Variants in FAM169A observed in about 807,000 individuals in gnomAD.
FAM169A encodes family with sequence similarity 169 member A.
A neutral mutation model predicts 75.7 loss-of-function variants in FAM169A; 24 were observed. The ratio of observed to expected loss-of-function variants is 0.32; its 90% CI spans 0.23 to 0.45. The LOEUF is 0.45. Ranked by LOEUF, FAM169A falls within the 20% of genes least tolerant of loss-of-function variation. FAM169A has a pLI of 1.00. For missense variants in FAM169A, 673 were observed against 784.0 expected, an observed-to-expected ratio of 0.86 and a Z score of 1.69; for synonymous variants, 271 against 271.0, an observed-to-expected ratio of 1.00 and a Z score of 0.00.
intron 8 of FAM169A, 33 bp from the exon 9 acceptor site, chr5:74,801,662 T>C: frequency 7.0e-6 from 11 of 1,568,184 alleles, no homozygotes; most frequent in Non-Finnish European, 9.6e-6. Context: ...CCCAAAGTTT[T>C]AGACTATTTT....
Position 74,834,411 on chromosome 5 carries a change from CTT to C in FAM169A, c.490+13_490+14del, listed in dbSNP as rs1748467931. 4.2e-6 allele frequency: 6 copies of C among 1,419,932 alleles called. No individual in the cohort carries two copies. Among genetic ancestry groups the C allele is most frequent in the Non-Finnish European group, 5.6e-6 (6 of 1,076,760 alleles). 88.0% of individuals were successfully genotyped at this position (1,419,932 alleles called of 1,614,324 possible). On this transcript the variant is annotated intron_variant, in intron 5 of 12. Transcript: ENST00000687041. The stretch of plus-strand genomic sequence containing the variant: ...TTTCCATAATACACAGTTTAAATAA[CTT>C]TTAAAGACTCACCTGTAGGCTTAAC...
At chr5:74,862,517 G>A (rs1750090448) in intron 1 of FAM169A, among the ~76,000 whole-genome samples, 1 of 152,154 alleles carries the variant, frequency 6.6e-6, no homozygotes, top group African/African-American at 2.4e-5. Flanking sequence ...GAGTCACTCA[G>A]ACAGAATTAA....
chr5:74,791,532 C>T (rs1194194505), intron 11 of FAM169A, among the ~76,000 whole-genome samples: 1 of 152,206 alleles, frequency 6.6e-6, no homozygotes, highest in Non-Finnish European at 1.5e-5. Context: ...TTTAAGTCAA[C>T]AGGCTAAGGA....
intron 5 of FAM169A, among the ~76,000 whole-genome samples, chr5:74,821,354 T>C (rs979436141): frequency 6.6e-6 from 1 of 152,210 alleles, no homozygotes; most frequent in South Asian, 2.1e-4. Context: ...ACAGATATTC[T>C]GCCACAACTG....
At chr5:74,791,839 G>A (rs981530123) in intron 11 of FAM169A, among the ~76,000 whole-genome samples, 2 of 152,226 alleles carry the variant, frequency 1.3e-5, no homozygotes, top group East Asian at 1.9e-4. Flanking sequence ...AGAATGAGTA[G>A]CAGAAGAAGG....
At chr5:74,851,480 T>C (rs902702397) in intron 1 of FAM169A, among the ~76,000 whole-genome samples, 1 of 152,230 alleles carries the variant, frequency 6.6e-6, no homozygotes, top group Non-Finnish European at 1.5e-5. Context: ...CAGGAATGGA[T>C]GATAAATCAT....
At chr5:74,820,775 C>A (rs542716699) in intron 5 of FAM169A, among the ~76,000 whole-genome samples, 1 of 152,284 alleles carries the variant, frequency 6.6e-6, no homozygotes, top group Non-Finnish European at 1.5e-5. Flanking sequence ...TACTCCTATA[C>A]CCAAAACCCT....
intron 8 of FAM169A, among the ~76,000 whole-genome samples, chr5:74,804,106 G>A (rs148697040): frequency 6.6e-6 from 1 of 151,970 alleles, no homozygotes; most frequent in African/African-American, 2.4e-5. Flanking sequence ...GCAGTTAGAA[G>A]CAATCCAAGA....
intron 6 of FAM169A, among the ~76,000 whole-genome samples, chr5:74,811,940 A>C (rs13172031): frequency 6.6e-6 from 1 of 152,364 alleles, no homozygotes; most frequent in South Asian, 2.1e-4. Flanking sequence ...ACACGTATGT[A>C]TTACAAGTCT....
chr5:74,838,353 C>A (rs1748679154), intron 4 of FAM169A, among the ~76,000 whole-genome samples: 1 of 152,074 alleles, frequency 6.6e-6, no homozygotes, highest in Non-Finnish European at 1.5e-5. Context: ...TTATGCCCTG[C>A]CTCCTCAAAT....
At chr5:74,843,339 A>AT (rs1019853086) in intron 1 of FAM169A, among the ~76,000 whole-genome samples, 32 of 152,210 alleles carry the variant, frequency 2.1e-4, no homozygotes, top group Admixed American at 6.5e-5. Context: ...TTAAGGTTTT[A>AT]TTTTTTCCTG....
chr5:74,811,644 A>G lies in FAM169A; in HGVS notation c.670+2196T>C, dbSNP rs190847560. Among the ~76,000 whole-genome samples the G allele has an allele frequency of 4.7e-3, 723 of 152,348 alleles. 6 individuals are homozygous for G. The highest frequency in any genetic ancestry group is 0.017 in the African/African-American group (690 of 41,594). ...TGAAATCAACAGTAAATTATACTTTATAAGAGTTTCTAGGTTAATTACTAT... is the reference window on the plus strand; with the variant it reads ...TGAAATCAACAGTAAATTATACTTTGTAAGAGTTTCTAGGTTAATTACTAT... On this transcript the variant is annotated intron_variant, in intron 6 of 12. Coordinates refer to ENST00000687041, the MANE Select transcript of FAM169A (RefSeq NM_001376049.1).
chr5:74,801,362 T>A (rs560717498), intron 9 of FAM169A, among the ~76,000 whole-genome samples: 3 of 152,186 alleles, frequency 2.0e-5, no homozygotes, highest in African/African-American at 7.2e-5. Context: ...CCATCCCTAT[T>A]TTATAGCTAA....
rs763677451 is a variant in FAM169A, at chr5:74,795,994, A to C, written c.1260+36T>G. On this transcript the variant is annotated intron_variant, in intron 11 of 12. Coordinates refer to ENST00000687041, the MANE Select transcript of FAM169A (RefSeq NM_001376049.1). Reference sequence around the variant, plus strand: ...GATTAAGAAAGGTAAAATTTAGTTTACTTTTTTTCATTTTGCTGAATAAGT... The same window carrying C: ...GATTAAGAAAGGTAAAATTTAGTTTCCTTTTTTTCATTTTGCTGAATAAGT... 19 of 1,592,632 alleles carry C rather than the reference A, an allele frequency of 1.2e-5. No individual in the cohort carries two copies. The South Asian group carries it at 1.9e-4, about 16-fold the overall frequency.
In FAM169A at chr5:74,805,179, T is replaced by C; in HGVS notation, c.776A>G (p.Gln259Arg). Reference protein sequence around the residue: ...YQRIPVTRALQREALKILALS... With the variant: ...YQRIPVTRALRREALKILALS... Reference sequence around the variant, plus strand: ...ACCTAGAATTTTAAGTGCTTCTCTTTGTAATGCTCTGGTGACTGGTATTCG... The same window carrying C: ...ACCTAGAATTTTAAGTGCTTCTCTTCGTAATGCTCTGGTGACTGGTATTCG... Residue 259 changes from glutamine (Q) to arginine (R), a missense_variant, in exon 7 of 13, where the codon CAA becomes CGA. Physicochemically the swap from Gln to Arg is conservative, Grantham distance 43. This residue lies in a region of FAM169A where 510 missense variants were observed against 550.9 expected (regional missense o/e 0.93). Transcript: ENST00000687041. 6.2e-7 allele frequency: 1 copy of C among 1,613,988 alleles called. No individual in the cohort carries two copies. The highest frequency in any genetic ancestry group is 8.5e-7 in the Non-Finnish European group (1 of 1,179,864).
At chr5:74,853,541 A>G (rs764553011) in intron 1 of FAM169A, among the ~76,000 whole-genome samples, 6 of 152,148 alleles carry the variant, frequency 3.9e-5, no homozygotes, top group Non-Finnish European at 7.4e-5. Flanking sequence ...AAAGGTCAAG[A>G]CAACAGGCCA....
At chr5:74,785,156 T>C (rs1745631978) in intron 11 of FAM169A, among the ~76,000 whole-genome samples, 1 of 147,622 alleles carries the variant, frequency 6.8e-6, no homozygotes, top group South Asian at 2.1e-4. Flanking sequence ...CCATCTCTAC[T>C]AAAAATACAA....
In FAM169A at chr5:74,777,920, G is replaced by C. The variant is rs1055687545; in HGVS notation, c.*3540C>G. Reference sequence around the variant, plus strand: ...ACATACAGACGCTTAGGAAAAGAAAGGCTAGTTCCTTGGAAATGACGATCC... The same window carrying C: ...ACATACAGACGCTTAGGAAAAGAAACGCTAGTTCCTTGGAAATGACGATCC... On this transcript the variant is annotated 3_prime_UTR_variant, in exon 13 of 13. Coordinates refer to ENST00000687041, the MANE Select transcript of FAM169A (RefSeq NM_001376049.1). The C allele has an allele frequency of 1.6e-4, 24 of 151,976 alleles. No individual in the cohort carries two copies. The highest frequency in any genetic ancestry group is 5.6e-4 in the African/African-American group (23 of 41,410). 9.4% of individuals were successfully genotyped at this position (151,976 alleles called of 1,614,324 possible).
intron 5 of FAM169A, among the ~76,000 whole-genome samples, chr5:74,818,628 T>A (rs958712577): frequency 2.0e-5 from 2 of 102,502 alleles, no homozygotes; most frequent in African/African-American, 7.8e-5. Flanking sequence ...TTATATAAAA[T>A]CCTAGAAAAA....
Sources: gnomAD v4.1 joint callset for allele counts (sites outside exome capture counted in the v4.1 genomes callset) on GRCh38, gnomAD v4.1.1 for gene constraint, gnomAD v4.1.1 regional missense constraint, MANE v1.5 for transcripts, NCBI Gene and HGNC (gene_info 2026-07-23, HGNC 2026-07-21) for gene names.